Variants in MAP3K13 observed in about 807,000 individuals in gnomAD.
MAP3K13 encodes mitogen-activated protein kinase kinase kinase 13.
MAP3K13 carries 52 observed loss-of-function variants against 104.0 expected under a neutral mutation model. That is an observed-to-expected ratio of 0.50 (90% CI 0.40 to 0.63). MAP3K13 has a LOEUF of 0.63. Among genes scored for constraint, MAP3K13 ranks in the 20% least tolerant of loss-of-function variants. The probability of loss-of-function intolerance (pLI) is 0.00; values close to 1 mark genes in which losing one functional copy is unlikely to be tolerated. For missense variants in MAP3K13, 914 were observed against 1,218.5 expected, an observed-to-expected ratio of 0.75 and a Z score of 3.72; for synonymous variants, 394 against 442.2, an observed-to-expected ratio of 0.89 and a Z score of 1.37.
At chr3:185,421,144 T>TTTTTCTTTTC (rs796992502) in intron 1 of MAP3K13, among the ~76,000 whole-genome samples, 4 of 152,040 alleles carry the variant, frequency 2.6e-5, no homozygotes, top group Non-Finnish European at 5.9e-5. Context: ...TTCTTTTTCT[T>TTTTTCTTTTC]TTTTCTTTTC....
chr3:185,408,571 T>TAA (rs71164507), intron 1 of MAP3K13, among the ~76,000 whole-genome samples: 1 of 148,866 alleles, frequency 6.7e-6, no homozygotes, highest in African/African-American at 2.5e-5. Flanking sequence ...GACTCCATCT[T>TAA]AAAAAAAAAA....
At chr3:185,366,475 A>G (rs1049807262) in intron 1 of MAP3K13, among the ~76,000 whole-genome samples, 9 of 152,162 alleles carry the variant, frequency 5.9e-5, no homozygotes, top group African/African-American at 2.2e-4. Flanking sequence ...CTGGGTCATT[A>G]TGATTACTAT....
intron 2 of MAP3K13, among the ~76,000 whole-genome samples, chr3:185,354,717 C>T (rs570257504): frequency 1.3e-5 from 2 of 152,102 alleles, no homozygotes; most frequent in East Asian, 3.9e-4. Flanking sequence ...TATTGTATCC[C>T]AAATTCAAGT....
chr3:185,465,954 C>A, intron 9 of MAP3K13, 91 bp downstream of exon 9: 1 of 938,428 alleles, frequency 1.1e-6, no homozygotes, highest in Non-Finnish European at 1.7e-6. Flanking sequence ...CTACTCAGAA[C>A]TGGCAGATAT....
intron 1 of MAP3K13, among the ~76,000 whole-genome samples, chr3:185,383,517 G>A (rs539962732): frequency 6.7e-5 from 10 of 149,812 alleles, no homozygotes; most frequent in East Asian, 2.0e-4. Flanking sequence ...AGTCAAGATC[G>A]TGCCACTGCA....
At position 185,292,740 on chromosome 3, in the gene MAP3K13, T is replaced by C. The variant is rs1438969971; in HGVS notation, c.-86+7097T>C. 5.1e-6 allele frequency: 5 copies of C among 985,246 alleles called. No individual in the cohort carries two copies. In the South Asian group the frequency reaches 1.4e-4, roughly 28 times the overall value. The allele number at this position is 985,246 out of a possible 1,614,324, so 61.0% of individuals were successfully genotyped here. Reference sequence around the variant, plus strand: ...CAGGTTGGATACATGGCAACAAGGCTATGTTAAATTTTTTTTCTCTGAGTT... The same window carrying C: ...CAGGTTGGATACATGGCAACAAGGCCATGTTAAATTTTTTTTCTCTGAGTT... On this transcript the variant is annotated intron_variant, in intron 2 of 14. Transcript: ENST00000424227.
intron 2 of MAP3K13, chr3:185,292,123 G>A (rs1038113205): frequency 5.4e-6 from 2 of 367,678 alleles, no homozygotes; most frequent in Non-Finnish European, 3.8e-6. Flanking sequence ...TGGCCAACAT[G>A]GCGAAACCCC....
chr3:185,462,169 T>C (rs1311075165), intron 7 of MAP3K13, among the ~76,000 whole-genome samples: 3 of 152,240 alleles, frequency 2.0e-5, no homozygotes, highest in Admixed American at 1.3e-4. Context: ...GAAGATAGTC[T>C]ATACATAATA....
At chr3:185,324,521 A>C (rs1289942863) in intron 2 of MAP3K13, among the ~76,000 whole-genome samples, 2 of 151,890 alleles carry the variant, frequency 1.3e-5, no homozygotes, top group Non-Finnish European at 2.9e-5. Context: ...TCTATGTTTC[A>C]ATTCCGATTT....
intron 1 of MAP3K13, among the ~76,000 whole-genome samples, chr3:185,414,291 C>T (rs1052408307): frequency 3.9e-5 from 6 of 152,160 alleles, no homozygotes; most frequent in African/African-American, 1.4e-4. Flanking sequence ...TATCACATTG[C>T]TATGTGTGAG....
At chr3:185,463,748 C>T in intron 8 of MAP3K13, 89 bp downstream of exon 8, 1 of 734,004 alleles carries the variant, frequency 1.4e-6, no homozygotes, top group Admixed American at 2.1e-5. Context: ...ATTTCACTTT[C>T]CACACACCTT....
At chr3:185,466,675 CTGTT>C (rs547539338) in intron 9 of MAP3K13, 147 bp from the exon 10 acceptor site, 174 of 919,588 alleles carry the variant, frequency 1.9e-4, no homozygotes, top group African/African-American at 6.5e-4. Flanking sequence ...CCGAGCCCGG[CTGTT>C]TGTTTGTTTT....
chr3:185,347,079 C>T (rs1379849598), intron 2 of MAP3K13, among the ~76,000 whole-genome samples: 2 of 151,172 alleles, frequency 1.3e-5, no homozygotes, highest in African/African-American at 2.4e-5. Context: ...CTCTACCTCC[C>T]GGGTTCAAGC....
intron 1 of MAP3K13, among the ~76,000 whole-genome samples, chr3:185,373,823 ATTTTTTTTT>A (rs148364519): frequency 8.8e-5 from 10 of 113,352 alleles, no homozygotes; most frequent in Admixed American, 1.9e-4. Flanking sequence ...AGTGAAAAGG[ATTTTTTTTT>A]TTTTTTTTTT....
intron 13 of MAP3K13, 109 bp downstream of exon 13, chr3:185,480,638 C>T: frequency 8.8e-7 from 1 of 1,140,564 alleles, no homozygotes; most frequent in African/African-American, 1.6e-5. Context: ...ACAACAGTGG[C>T]CTTGTATTAG....
At chr3:185,297,287 G>T (rs1560037597) in intron 2 of MAP3K13, among the ~76,000 whole-genome samples, 1 of 152,172 alleles carries the variant, frequency 6.6e-6, no homozygotes, top group South Asian at 2.1e-4. Context: ...TCCCAAGGTT[G>T]ATTTAAACCT....
At chr3:185,421,077 G>T (rs537722520) in intron 1 of MAP3K13, among the ~76,000 whole-genome samples, 2 of 152,354 alleles carry the variant, frequency 1.3e-5, no homozygotes, top group Non-Finnish European at 2.9e-5. Flanking sequence ...TGCGGATCGG[G>T]ACCTGTTGTA....
intron 1 of MAP3K13, among the ~76,000 whole-genome samples, chr3:185,283,898 CT>C (rs1201384582): frequency 0.013 from 1,633 of 127,368 alleles, 29 homozygotes; most frequent in African/African-American, 0.043. Flanking sequence ...TTCTTTCTTT[CT>C]TTTTTTTTTT....
At chr3:185,292,634 T>TA in intron 2 of MAP3K13, 1 of 984,944 alleles carries the variant, frequency 1.0e-6, no homozygotes. Context: ...AGGGTCCTGT[T>TA]ACACAGTTGG....
Sources: allele counts gnomAD v4.1 joint callset (sites outside exome capture counted in the v4.1 genomes callset), GRCh38; gene constraint gnomAD v4.1.1; transcripts MANE v1.5; gene names NCBI Gene and HGNC (gene_info 2026-07-23, HGNC 2026-07-21).